Variants in DCAF6 observed in about 807,000 individuals in gnomAD.
DCAF6 encodes DDB1 and CUL4 associated factor 6.
A neutral mutation model predicts 125.1 loss-of-function variants in DCAF6; 54 were observed. That is an observed-to-expected ratio of 0.43 (90% CI 0.35 to 0.54). DCAF6 has a LOEUF of 0.54. Among genes scored for constraint, DCAF6 ranks in the 20% least tolerant of loss-of-function variants. The pLI is 0.01. For missense variants in DCAF6, 934 were observed against 1,161.7 expected, an observed-to-expected ratio of 0.80 and a Z score of 2.85; for synonymous variants, 371 against 390.4, an observed-to-expected ratio of 0.95 and a Z score of 0.58.
the DCAF6 span, among the ~76,000 whole-genome samples, chr1:167,885,326 T>C: frequency 5.3e-4 from 80 of 152,338 alleles, no homozygotes; most frequent in Non-Finnish European, 1.8e-4. Flanking sequence ...TTCTAGATTG[T>C]ATGGTAGCTC....
the DCAF6 span, chr1:167,905,211 T>G: frequency 6.5e-7 from 1 of 1,536,642 alleles, no homozygotes; most frequent in Non-Finnish European, 9.0e-7. Context: ...AAAAAGAAAA[T>G]TGAAATAGAG....
At chr1:167,984,819 T>C (rs570560695) in intron 4 of DCAF6, among the ~76,000 whole-genome samples, 57 of 152,276 alleles carry the variant, frequency 3.7e-4, no homozygotes, top group African/African-American at 9.9e-4. Flanking sequence ...AGATTGAAGT[T>C]TGGTAAATTA....
At position 168,044,579 on chromosome 1, in the gene DCAF6, T is replaced by C. The variant is rs747009221; in HGVS notation, c.1844-6T>C. The C allele has an allele frequency of 1.2e-6, 2 of 1,608,190 alleles. No individual in the cohort carries two copies. The highest frequency in any genetic ancestry group is 1.3e-5 in the African/African-American group (1 of 74,920). ...AAGGGATGACTGTAATTTGGTTTAC[T>C]TACAGAAGCTCCTGAAGAATCATCA... On this transcript the variant is annotated splice_polypyrimidine_tract_variant and splice_region_variant and intron_variant, in intron 14 of 21. Coordinates refer to ENST00000367840, the MANE Select transcript of DCAF6 (RefSeq NM_001198956.2).
At chr1:168,005,358 T>C (rs1369835154) in intron 10 of DCAF6, among the ~76,000 whole-genome samples, 1 of 152,128 alleles carries the variant, frequency 6.6e-6, no homozygotes, top group East Asian at 1.9e-4. Flanking sequence ...TTGATGCTAG[T>C]GAAAATAACC....
At chr1:167,922,774 C>T in the DCAF6 span, among the ~76,000 whole-genome samples, 1 of 152,130 alleles carries the variant, frequency 6.6e-6, no homozygotes, top group Admixed American at 6.5e-5. Flanking sequence ...CTTGAATTTA[C>T]AACTGAGTTT....
rs189184853 is a variant in DCAF6, at chr1:167,982,997, C to T, written c.439-4498C>T. Among the ~76,000 whole-genome samples, 239 of 152,192 alleles carry T rather than the reference C, an allele frequency of 1.6e-3. 3 individuals carry two copies. The highest frequency in any genetic ancestry group is 0.011 in the Admixed American group (169 of 15,270). On this transcript the variant is annotated intron_variant, in intron 4 of 21. Transcript: ENST00000367840. Reference sequence around the variant, plus strand: ...AGGTGTGTGGCTTTATTTCTGGGTTCTCTATTCTGTTTCATTGGCCTGTGT... The same window carrying T: ...AGGTGTGTGGCTTTATTTCTGGGTTTTCTATTCTGTTTCATTGGCCTGTGT...
the DCAF6 span, among the ~76,000 whole-genome samples, chr1:167,881,323 G>A: frequency 6.6e-6 from 1 of 152,288 alleles, no homozygotes; most frequent in South Asian, 2.1e-4. Context: ...AAAGGGCATT[G>A]TGAATAAAGG....
Position 168,075,373 on chromosome 1 carries a change from C to A in DCAF6, c.2794C>A (p.Arg932=). 6.3e-7 allele frequency: 1 copy of A among 1,595,632 alleles called. No individual in the cohort carries two copies. The highest frequency in any genetic ancestry group is 1.7e-4 in the Middle Eastern group (1 of 5,972). The change falls in exon 22 of 22, where the codon CGG becomes AGG. Residue 932 remains arginine, a splice_region_variant and synonymous_variant. Coordinates refer to ENST00000367840, the MANE Select transcript of DCAF6 (RefSeq NM_001198956.2). ...GATTCTCTTATCTGTGTTTCCAGAC[C>A]GGTTGGAGGGTGACAGATCAGAAGG... The part of the protein sequence containing the change: ...LASLNHIRAD[R]LEGDRSEGSG...
intron 1 of DCAF6, among the ~76,000 whole-genome samples, chr1:167,949,274 G>T (rs1673562974): frequency 6.6e-6 from 1 of 152,174 alleles, no homozygotes; most frequent in African/African-American, 2.4e-5. Context: ...TAGCTCTTTG[G>T]ATTTCTGAAC....
the DCAF6 span, among the ~76,000 whole-genome samples, chr1:167,908,035 A>G: frequency 1.3e-5 from 2 of 152,216 alleles, no homozygotes; most frequent in Admixed American, 6.5e-5. Context: ...TAGAACTACC[A>G]TATGATCTAA....
chr1:168,065,466 A>C (rs1692203799), intron 18 of DCAF6, 124 bp from the exon 19 acceptor site: 3 of 819,558 alleles, frequency 3.7e-6, no homozygotes, highest in Admixed American at 2.9e-5. Context: ...TAATTTTACT[A>C]TTTTCTAAGC....
rs58308587 is a variant in DCAF6, at chr1:167,943,500, A to AGAT, written c.97+6496_97+6498dup. 3.4e-4 allele frequency among the ~76,000 whole-genome samples: 52 copies of AGAT among 152,148 alleles called. 1 individual carries two copies. The highest frequency in any genetic ancestry group is 1.3e-3 in the African/African-American group (52 of 41,422). On this transcript the variant is annotated intron_variant, in intron 1 of 21. Coordinates refer to ENST00000367840, the MANE Select transcript of DCAF6 (RefSeq NM_001198956.2). ...TATTTCATATTTGTAATGCTATTTTAGATGATATTTTTATTTATTTTTACT... is the reference window on the plus strand; with the variant it reads ...TATTTCATATTTGTAATGCTATTTTAGATGATGATATTTTTATTTATTTTTACT...
chr1:167,893,994 G>T, the DCAF6 span: 1 of 1,291,826 alleles, frequency 7.7e-7, no homozygotes, highest in Non-Finnish European at 1.1e-6. Context: ...TGGCTCTGCA[G>T]TGCTAGTGAG....
At chr1:168,062,943 GCT>G (rs1397575009) in intron 17 of DCAF6, among the ~76,000 whole-genome samples, 5 of 143,500 alleles carry the variant, frequency 3.5e-5, no homozygotes, top group African/African-American at 1.3e-4. Flanking sequence ...ACAGAGTCTC[GCT>G]CTGTCACCCA....
At position 168,003,663 on chromosome 1, in the gene DCAF6, A is replaced by T. The variant is rs377711572; in HGVS notation, c.998-207A>T. ...AGCCCTGTTCTCAAGAAACCTTACC[A>T]TACACATGGAAAGTCACTGATATAA... On this transcript the variant is annotated intron_variant, in intron 8 of 21. Coordinates refer to ENST00000367840, the MANE Select transcript of DCAF6 (RefSeq NM_001198956.2). Among the ~76,000 whole-genome samples the T allele has an allele frequency of 3.4e-4, 52 of 152,262 alleles. No homozygotes were observed. The South Asian group carries it at 0.011, about 31-fold the overall frequency.
chr1:167,882,334 A>T, the DCAF6 span, among the ~76,000 whole-genome samples: 1 of 151,874 alleles, frequency 6.6e-6, no homozygotes, highest in Admixed American at 6.6e-5. Flanking sequence ...AAAATACAAA[A>T]ATTAGCCAGG....
chr1:168,065,995 G>C (rs1207919496), intron 19 of DCAF6, among the ~76,000 whole-genome samples: 1 of 152,198 alleles, frequency 6.6e-6, no homozygotes, highest in Admixed American at 6.5e-5. Context: ...CAAGCTGTAA[G>C]AGGTTTGGTG....
chr1:168,071,207 G>T (rs1412226696), intron 21 of DCAF6, among the ~76,000 whole-genome samples: 1 of 152,184 alleles, frequency 6.6e-6, no homozygotes, highest in African/African-American at 2.4e-5. Context: ...TTAATGGCCA[G>T]ATATGGTTTT....
At chr1:167,883,510 T>A in the DCAF6 span, 1 of 1,614,138 alleles carries the variant, frequency 6.2e-7, no homozygotes, top group Non-Finnish European at 8.5e-7. Flanking sequence ...CATATAGGCA[T>A]CCTGGATGGC....
Sources: allele counts gnomAD v4.1 joint callset (sites outside exome capture counted in the v4.1 genomes callset), GRCh38; gene constraint gnomAD v4.1.1; transcripts MANE v1.5; gene names NCBI Gene and HGNC (gene_info 2026-07-23, HGNC 2026-07-21).